Variants in TLE3 observed in about 807,000 individuals in gnomAD.
TLE3 encodes the protein TLE family member 3, transcriptional corepressor.
In TLE3, 14 loss-of-function variants were observed where a neutral mutation model predicts 93.0. The observed-to-expected ratio is 0.15, with a 90% CI of 0.10 to 0.24. The LOEUF (loss-of-function observed/expected upper bound fraction) is 0.24, where lower values mean the gene tolerates loss of function less well. TLE3 is among the 10% of genes least tolerant of loss of function. TLE3 has a pLI of 1.00. For synonymous variants in TLE3, 451 were observed against 425.0 expected, an observed-to-expected ratio of 1.06 and a Z score of -0.75; for missense variants, 693 against 1,046.6, an observed-to-expected ratio of 0.66 and a Z score of 4.66.
At chr15:70,074,791 T>C (rs532218065) in intron 5 of TLE3, among the ~76,000 whole-genome samples, 184 bp from the exon 6 acceptor site, 1 of 152,364 alleles carries the variant, frequency 6.6e-6, no homozygotes, top group Admixed American at 6.5e-5. Flanking sequence ...TTTAGACCTT[T>C]TTCAATGAGC....
intron 4 of TLE3, among the ~76,000 whole-genome samples, chr15:70,077,889 T>C (rs1021491949): frequency 6.6e-6 from 1 of 152,190 alleles, no homozygotes; most frequent in African/African-American, 2.4e-5. Context: ...TGGCCCCCAC[T>C]TCCAAACTGC....
chr15:70,058,411 C>G lies in TLE3; in HGVS notation c.919-120G>C. 7.5e-6 allele frequency: 11 copies of G among 1,469,796 alleles called. No homozygotes were observed. The South Asian group carries it at 1.5e-4, about 20-fold the overall frequency. The allele number at this position is 1,469,796 out of a possible 1,614,324, so 91.0% of individuals were successfully genotyped here. A position where few individuals can be genotyped will look rare whatever the true frequency, so the allele number is the denominator to read the frequency against. On this transcript the variant is annotated intron_variant, in intron 11 of 19. Transcript: ENST00000451782. This position sits in a 1 kb window ranked among gnomAD's most constrained non-coding sequence, Gnocchi z 4.1. ...AGCCAGACCCTTATGAAGCTTCTGC[C>G]GAACAGCCTCTCAATCCTTGCCCAA...
chr15:70,054,375 C>A, intron 16 of TLE3, 63 bp downstream of exon 16: 2 of 1,563,642 alleles, frequency 1.3e-6, no homozygotes, highest in African/African-American at 1.3e-5. Flanking sequence ...GCAAACAAGA[C>A]CAGGCAGGAT....
At chr15:70,062,394 C>A (rs911220066) in intron 8 of TLE3, among the ~76,000 whole-genome samples, 1 of 152,126 alleles carries the variant, frequency 6.6e-6, no homozygotes, top group East Asian at 1.9e-4. Context: ...GGGGAGGGGG[C>A]GTGCGGCTGC....
intron 4 of TLE3, among the ~76,000 whole-genome samples, chr15:70,083,773 C>G (rs995044200): frequency 1.3e-5 from 2 of 151,976 alleles, no homozygotes; most frequent in African/African-American, 2.4e-5. Context: ...GGGTCTCCCC[C>G]CATCAGGTCA....
At chr15:70,091,692 G>A (rs1464957945) in intron 4 of TLE3, among the ~76,000 whole-genome samples, 2 of 152,202 alleles carry the variant, frequency 1.3e-5, no homozygotes, top group Non-Finnish European at 2.9e-5. Context: ...GCCAGAGAAG[G>A]AGCCAGCCAC....
At chr15:70,060,976 G>C (rs1240998932) in intron 8 of TLE3, among the ~76,000 whole-genome samples, 1 of 152,260 alleles carries the variant, frequency 6.6e-6, no homozygotes, top group East Asian at 1.9e-4. Flanking sequence ...GGGTCACCTG[G>C]GTCTCATTCA....
Position 70,057,658 on chromosome 15 carries a change from G to C in TLE3, c.1052C>G (p.Ala351Gly). ...PGKPPGMDPI[A>G]SALRTPISIT... ...GGAGATGGGCGTGCGCAGAGCCGAG[G>C]CTGCGAGGGGTGGGCGTCAGGGAGG... Residue 351 changes from alanine (A) to glycine (G), a missense_variant and splice_region_variant, in exon 13 of 20, where the codon GCC becomes GGC. By Grantham distance (60) the Ala-to-Gly change is moderately conservative. Transcript: ENST00000451782. 6.4e-7 allele frequency: 1 copy of C among 1,567,354 alleles called. No homozygotes were observed. Among genetic ancestry groups the C allele is most frequent in the Non-Finnish European group, 8.6e-7 (1 of 1,162,560 alleles).
At chr15:70,079,638 A>G (rs1210840249) in intron 4 of TLE3, among the ~76,000 whole-genome samples, 1 of 151,798 alleles carries the variant, frequency 6.6e-6, no homozygotes, top group African/African-American at 2.4e-5. Context: ...TCAAAGCATG[A>G]ACAGGAAAGC....
At chr15:70,096,556 C>G in intron 1 of TLE3, 1 of 1,440,598 alleles carries the variant, frequency 6.9e-7, no homozygotes, top group South Asian at 1.2e-5. Flanking sequence ...ACCGCGTGAA[C>G]AGCTCCCCCT....
At position 70,081,948 on chromosome 15, in the gene TLE3, T is replaced by C. The variant is rs532888397; in HGVS notation, c.235-5790A>G. On this transcript the variant is annotated intron_variant, in intron 4 of 19. Coordinates refer to ENST00000451782, the MANE Select transcript of TLE3 (RefSeq NM_001105192.3). Reference sequence around the variant, plus strand: ...TCATCTCAGTCAGCTCTGAGGTTCTTAAATTTTAATCAGGTTTTACCTACT... The same window carrying C: ...TCATCTCAGTCAGCTCTGAGGTTCTCAAATTTTAATCAGGTTTTACCTACT... 2.0e-5 allele frequency among the ~76,000 whole-genome samples: 3 copies of C among 152,320 alleles called. No homozygotes were observed. In the East Asian group the frequency reaches 5.8e-4, roughly 29 times the overall value.
intron 3 of TLE3, chr15:70,094,777 C>A (rs2058469389): frequency 7.1e-6 from 4 of 564,594 alleles, no homozygotes; most frequent in Non-Finnish European, 1.3e-5. Flanking sequence ...CTCAACAGAA[C>A]GTTATATTAT....
In TLE3 at chr15:70,086,380, G is replaced by T. The variant is rs536876470; in HGVS notation, c.234+8152C>A. Among the ~76,000 whole-genome samples, 4 of 152,320 alleles carry T rather than the reference G, an allele frequency of 2.6e-5. 1 individual carries two copies. In the South Asian group the frequency reaches 8.3e-4, roughly 32 times the overall value. On this transcript the variant is annotated intron_variant, in intron 4 of 19. Transcript: ENST00000451782. ...TCCAAACTCAGCAAAGACCTGTCGA[G>T]GGCTAGCCCAAGGGAAAGATTTGGG...
chr15:70,086,689 C>G (rs1232781056), intron 4 of TLE3, among the ~76,000 whole-genome samples: 2 of 152,224 alleles, frequency 1.3e-5, no homozygotes, highest in Non-Finnish European at 2.9e-5. Context: ...AGTAGAAGAA[C>G]TGTGAACAAT....
intron 4 of TLE3, chr15:70,079,293 T>A: frequency 2.1e-6 from 1 of 467,014 alleles, no homozygotes; most frequent in Non-Finnish European, 4.2e-6. Context: ...CTGAGGCCCA[T>A]GTTCGACGAA....
chr15:70,062,495 C>A (rs561294270), intron 8 of TLE3, among the ~76,000 whole-genome samples: 1 of 152,188 alleles, frequency 6.6e-6, no homozygotes, highest in Admixed American at 6.5e-5. Flanking sequence ...TCGCCGCTAC[C>A]GGAGAGTCAT....
At chr15:70,089,751 G>A (rs1263240016) in intron 4 of TLE3, among the ~76,000 whole-genome samples, 1 of 152,334 alleles carries the variant, frequency 6.6e-6, no homozygotes, top group East Asian at 1.9e-4. Flanking sequence ...TGGTGTCCCA[G>A]TATTTTGTAC....
chr15:70,080,441 A>C (rs1417273747), intron 4 of TLE3, among the ~76,000 whole-genome samples: 1 of 152,238 alleles, frequency 6.6e-6, no homozygotes, highest in Non-Finnish European at 1.5e-5. Context: ...GAACTAATCT[A>C]CTAGATACAG....
chr15:70,066,467 C>T (rs1311892197), intron 6 of TLE3, among the ~76,000 whole-genome samples: 1 of 151,870 alleles, frequency 6.6e-6, no homozygotes, highest in Non-Finnish European at 1.5e-5. Context: ...TCCCTGCACC[C>T]CCGTTTCACA....
Sources: allele counts gnomAD v4.1 joint callset (sites outside exome capture counted in the v4.1 genomes callset), GRCh38; gene constraint gnomAD v4.1.1; non-coding constraint Gnocchi (gnomAD v3.1); transcripts MANE v1.5; gene names NCBI Gene and HGNC (gene_info 2026-07-23, HGNC 2026-07-21).